The following FKBP14 variants were observed in gnomAD, a reference collection of about 807,000 sequenced individuals.
FKBP14 encodes the protein FKBP prolyl isomerase 14.
FKBP14 carries 20 observed loss-of-function variants against 21.6 expected under a neutral mutation model. The observed-to-expected ratio is 0.92, with a 90% CI of 0.65 to 1.34. FKBP14 has a LOEUF of 1.34. FKBP14 is among the 40% of genes most tolerant of loss of function. The pLI is 0.00. For synonymous variants in FKBP14, 79 were observed against 86.7 expected, an observed-to-expected ratio of 0.91 and a Z score of 0.49; for missense variants, 253 against 249.0, an observed-to-expected ratio of 1.02 and a Z score of -0.11.
intron 1 of FKBP14, 81 bp from the exon 2 acceptor site, chr7:30,022,897 GTTAAGT>G (rs1338815230): frequency 6.1e-6 from 8 of 1,314,632 alleles, no homozygotes; most frequent in African/African-American, 1.5e-5. Context: ...CCAGTAAGTG[GTTAAGT>G]TTATTAGTTT....
At chr7:30,024,483 C>T (rs748114875) in intron 1 of FKBP14, among the ~76,000 whole-genome samples, 4 of 152,190 alleles carry the variant, frequency 2.6e-5, no homozygotes, top group East Asian at 1.9e-4. Context: ...TCACTGCAGC[C>T]TCCGCCTCCT....
chr7:30,012,920 T>C lies in FKBP14; in HGVS notation c.*1815A>G, dbSNP rs527830842. ...ATTAGTAGAGGGCAGTAGAAGACAC[T>C]GAACTTGGGGACTGAATACTGGTTC... On this transcript the variant is annotated 3_prime_UTR_variant, in exon 4 of 4. Coordinates refer to ENST00000222803, the MANE Select transcript of FKBP14 (RefSeq NM_017946.4). The C allele has an allele frequency of 6.6e-6, 1 of 152,290 alleles. No individual in the cohort carries two copies. The highest frequency in any genetic ancestry group is 1.9e-4 in the East Asian group (1 of 5,182). The allele number at this position is 152,290 out of a possible 1,614,324, so 9.4% of individuals were successfully genotyped here.
intron 3 of FKBP14, among the ~76,000 whole-genome samples, chr7:30,018,044 A>G (rs371880056): frequency 2.3e-5 from 3 of 129,140 alleles, no homozygotes; most frequent in African/African-American, 2.9e-5. Flanking sequence ...TAAATAAATA[A>G]ATAGATTTTT....
intron 1 of FKBP14, among the ~76,000 whole-genome samples, chr7:30,024,136 G>A (rs1238975891): frequency 6.9e-6 from 1 of 144,162 alleles, no homozygotes; most frequent in Non-Finnish European, 1.6e-5. Flanking sequence ...GTGAGAAAAA[G>A]AAGTCACTGT....
rs751708321 is a variant in FKBP14 at position 30,019,006 on chromosome 7, G to T, written c.467C>A (p.Ser156Tyr). The change falls in exon 3 of 4, where the codon TCT becomes TAT. Residue 156 changes from serine (S) to tyrosine (Y), a missense_variant. Ser to Tyr is a moderately radical substitution (Grantham distance 144). Coordinates refer to ENST00000222803, the MANE Select transcript of FKBP14 (RefSeq NM_017946.4). Reference sequence around the variant, plus strand: ...AGAAGGAAAGGTCACCTCATCTTTAGAGAGTTTCCAGTCATCATTAAGATC... The same window carrying T: ...AGAAGGAAAGGTCACCTCATCTTTATAGAGTTTCCAGTCATCATTAAGATC... ...EMDLNDDWKLSKDEVKAYLKK... is the reference protein window; with the variant it reads ...EMDLNDDWKLYKDEVKAYLKK... 38 of 1,609,166 alleles carry T rather than the reference G, an allele frequency of 2.4e-5. No homozygotes were observed. In the East Asian group the frequency reaches 8.3e-4, roughly 35 times the overall value.
chr7:30,019,295 AAAG>A (rs1376354196), intron 2 of FKBP14, among the ~76,000 whole-genome samples, 172 bp from the exon 3 acceptor site: 10 of 152,246 alleles, frequency 6.6e-5, no homozygotes, highest in East Asian at 1.9e-4. Context: ...GAATAGAGTA[AAAG>A]AAGAAATAAT....
chr7:30,021,282 T>C (rs1263587523), intron 2 of FKBP14, among the ~76,000 whole-genome samples: 5 of 152,194 alleles, frequency 3.3e-5, no homozygotes, highest in Non-Finnish European at 5.9e-5. Flanking sequence ...TACTATCATA[T>C]ATACTATAGG....
chr7:30,024,886 A>T (rs1271452581), intron 1 of FKBP14, among the ~76,000 whole-genome samples: 1 of 152,258 alleles, frequency 6.6e-6, no homozygotes, highest in Non-Finnish European at 1.5e-5. Flanking sequence ...GGCTGAGTCT[A>T]AAAGAGATCA....
In FKBP14 at chr7:30,026,373, C is replaced by G; in HGVS notation, c.136G>C (p.Asp46His). ...CCTTCATAGTGGACCAACATCAAATCCCCTCCTTTGGTCTTGCGATGGCAG... is the reference window on the plus strand; with the variant it reads ...CCTTCATAGTGGACCAACATCAAATGCCCTCCTTTGGTCTTGCGATGGCAG... Reference protein sequence around the residue: ...FICHRKTKGGDLMLVHYEGYL... With the variant: ...FICHRKTKGGHLMLVHYEGYL... Residue 46 changes from aspartate to histidine, a missense_variant, in exon 1 of 4, where the codon GAT becomes CAT. Asp to His is a moderately conservative substitution (Grantham distance 81). Transcript: ENST00000222803. 1 of 1,614,110 alleles carries G rather than the reference C, an allele frequency of 6.2e-7. No individual in the cohort carries two copies. Among genetic ancestry groups the G allele is most frequent in the Non-Finnish European group, 8.5e-7 (1 of 1,179,978 alleles).
Position 30,015,224 on chromosome 7 carries a change from G to T in FKBP14, c.478-331C>A, listed in dbSNP as rs114036522. Among the ~76,000 whole-genome samples the T allele has an allele frequency of 7.6e-3, 1,153 of 151,904 alleles. 21 individuals carry two copies. Among genetic ancestry groups the T allele is most frequent in the African/African-American group, 0.026 (1,078 of 41,386 alleles). ...AGGTCAGGAGTTGGAGATCAGCCTGGCCGACATAATGAAAGCCCATCTCCA... is the reference window on the plus strand; with the variant it reads ...AGGTCAGGAGTTGGAGATCAGCCTGTCCGACATAATGAAAGCCCATCTCCA... On this transcript the variant is annotated intron_variant, in intron 3 of 3. Coordinates refer to ENST00000222803, the MANE Select transcript of FKBP14 (RefSeq NM_017946.4).
intron 1 of FKBP14, among the ~76,000 whole-genome samples, chr7:30,024,704 G>A (rs758215914): frequency 1.6e-4 from 25 of 152,156 alleles, no homozygotes; most frequent in Non-Finnish European, 3.5e-4. Context: ...CCAATTTGAT[G>A]GTATTTCTTC....
downstream of FKBP14, among the ~76,000 whole-genome samples, chr7:30,010,277 A>T (rs996666270): frequency 1.3e-5 from 2 of 152,126 alleles, no homozygotes; most frequent in Non-Finnish European, 2.9e-5. Context: ...AGTGATAATA[A>T]CCATCACCCT....
chr7:30,006,091 T>C (rs1266136763), downstream of FKBP14, among the ~76,000 whole-genome samples: 1 of 150,490 alleles, frequency 6.6e-6, no homozygotes, highest in Non-Finnish European at 1.5e-5. Context: ...TACACACATA[T>C]ATATACATAT....
At chr7:30,018,964 T>C (rs1176456808) in intron 3 of FKBP14, 32 bp downstream of exon 3, 1 of 1,597,088 alleles carries the variant, frequency 6.3e-7, no homozygotes, top group Non-Finnish European at 8.5e-7. Flanking sequence ...CAAAGAAAAG[T>C]AGAAAGAGGA....
chr7:30,005,980 G>A (rs745740221), downstream of FKBP14, among the ~76,000 whole-genome samples: 1 of 152,040 alleles, frequency 6.6e-6, no homozygotes, highest in Admixed American at 6.6e-5. Context: ...GGGGTACCAT[G>A]TACTACAGAG....
At position 30,011,717 on chromosome 7, in the gene FKBP14, C is replaced by T. The variant is rs998904481; in HGVS notation, c.*3018G>A. ...TTGCCAGGCTCAGGTGATCCTCCAACCTCAGCTTTTGTACTTTTAGCAGAG... is the reference window on the plus strand; with the variant it reads ...TTGCCAGGCTCAGGTGATCCTCCAATCTCAGCTTTTGTACTTTTAGCAGAG... On this transcript the variant is annotated 3_prime_UTR_variant, in exon 4 of 4. Transcript: ENST00000222803. The T allele has an allele frequency of 6.7e-6, 1 of 150,306 alleles. No individual in the cohort carries two copies. Among genetic ancestry groups the T allele is most frequent in the Non-Finnish European group, 1.5e-5 (1 of 67,622 alleles). 9.3% of individuals were successfully genotyped at this position (150,306 alleles called of 1,614,324 possible).
chr7:30,011,473 T>C lies in FKBP14; in HGVS notation c.*3262A>G, dbSNP rs78534966. 38,618 of 148,588 alleles carry C rather than the reference T, an allele frequency of 0.26. 5,672 individuals carry two copies. The highest frequency in any genetic ancestry group is 0.39 in the African/African-American group (15,831 of 40,246). 9.2% of individuals were successfully genotyped at this position (148,588 alleles called of 1,614,324 possible). ...TGACTCATCCAGAGCAACTTCCAGT[T>C]CTGTAAGCTCCGTTAGTAAGTGCCC... On this transcript the variant is annotated 3_prime_UTR_variant, in exon 4 of 4. Coordinates refer to ENST00000222803, the MANE Select transcript of FKBP14 (RefSeq NM_017946.4).
chr7:30,024,197 T>C (rs1165521011), intron 1 of FKBP14, among the ~76,000 whole-genome samples: 2 of 152,192 alleles, frequency 1.3e-5, no homozygotes, highest in East Asian at 3.8e-4. Flanking sequence ...TGCCATTTTT[T>C]CCTGTAATTT....
chr7:30,017,676 T>C (rs1422405810), intron 3 of FKBP14, among the ~76,000 whole-genome samples: 2 of 152,082 alleles, frequency 1.3e-5, no homozygotes, highest in Non-Finnish European at 2.9e-5. Context: ...TCCAAAGTGG[T>C]AGGATTACAA....
Sources: gnomAD v4.1 joint callset for allele counts (sites outside exome capture counted in the v4.1 genomes callset) on GRCh38, gnomAD v4.1.1 for gene constraint, MANE v1.5 for transcripts, NCBI Gene and HGNC (gene_info 2026-07-23, HGNC 2026-07-21) for gene names.